SCFD2: variants seen among roughly 807,000 people sequenced by gnomAD.
SCFD2 encodes sec1 family domain containing 2.
Under a neutral mutation model 58.9 loss-of-function variants are expected in SCFD2, and 54 were observed. The ratio of observed to expected loss-of-function variants is 0.92; its 90% CI spans 0.74 to 1.15. The LOEUF (loss-of-function observed/expected upper bound fraction) is 1.15, where lower values mean the gene tolerates loss of function less well. Among genes scored for constraint, SCFD2 ranks in the 50% most tolerant of loss-of-function variants. SCFD2 has a pLI of 0.00. For synonymous variants in SCFD2, 321 were observed against 335.9 expected (o/e 0.96, Z 0.49); for missense variants, 805 against 836.6 (o/e 0.96, Z 0.47).
chr4:53,348,335 T>C (rs1358962838), intron 2 of SCFD2, among the ~76,000 whole-genome samples: 1 of 152,260 alleles, frequency 6.6e-6, no homozygotes, highest in Non-Finnish European at 1.5e-5. Context: ...AGCACTTATT[T>C]GTTTTGCCTT....
chr4:53,238,425 G>T (rs1311384828), intron 4 of SCFD2, among the ~76,000 whole-genome samples: 2 of 147,086 alleles, frequency 1.4e-5, no homozygotes, highest in Non-Finnish European at 3.0e-5. Context: ...CCTCCCTCCC[G>T]GATGGGCGGC....
intron 3 of SCFD2, among the ~76,000 whole-genome samples, chr4:53,297,669 T>C (rs1347483429): frequency 1.3e-5 from 2 of 152,214 alleles, no homozygotes; most frequent in East Asian, 1.9e-4. Context: ...AGTTTAATAT[T>C]GTTATGTGTG....
At position 53,278,874 on chromosome 4, in the gene SCFD2, A is replaced by G. The variant is rs1241664349; in HGVS notation, c.1136-4873T>C. 1.1e-4 allele frequency among the ~76,000 whole-genome samples: 17 copies of G among 151,218 alleles called. No homozygotes were observed. The East Asian group carries it at 3.1e-3, about 28-fold the overall frequency. On this transcript the variant is annotated intron_variant, in intron 3 of 8. Transcript: ENST00000401642. ...GAATTTAAGTTAAAAAGTAATTCAC[A>G]CAGATGCTCTAAAAAAAAAAAAAAA...
At chr4:53,337,553 T>C (rs1177373393) in intron 2 of SCFD2, among the ~76,000 whole-genome samples, 1 of 152,146 alleles carries the variant, frequency 6.6e-6, no homozygotes, top group African/African-American at 2.4e-5. Flanking sequence ...CATTTCTACT[T>C]AAATGAAAGA....
rs73250932 is a variant in SCFD2 at position 53,092,155 on chromosome 4, T to C, written c.1561+53178A>G. 4.7e-3 allele frequency among the ~76,000 whole-genome samples: 719 copies of C among 152,306 alleles called. 5 individuals carry two copies. The highest frequency in any genetic ancestry group is 7.5e-3 in the Non-Finnish European group (508 of 68,016). ...TTTCATTCAATAAATATTTACAGAA[T>C]ACAATAGGCCAAGCCTTGTGCTAGA... On this transcript the variant is annotated intron_variant, in intron 5 of 8. Coordinates refer to ENST00000401642, the MANE Select transcript of SCFD2 (RefSeq NM_152540.4).
chr4:53,247,867 CAAAAAA>C (rs35585900), intron 4 of SCFD2, among the ~76,000 whole-genome samples: 1 of 54,530 alleles, frequency 1.8e-5, no homozygotes, highest in Non-Finnish European at 3.6e-5. Context: ...GACTCCGTCT[CAAAAAA>C]AAAAAAAAAA....
At chr4:53,229,929 A>C (rs964495599) in intron 4 of SCFD2, among the ~76,000 whole-genome samples, 39 of 152,206 alleles carry the variant, frequency 2.6e-4, no homozygotes, top group Non-Finnish European at 5.7e-4. Context: ...TTACAAGAAA[A>C]AAACAAACAA....
chr4:53,235,294 C>T (rs1729563582), intron 4 of SCFD2, among the ~76,000 whole-genome samples: 1 of 152,206 alleles, frequency 6.6e-6, no homozygotes, highest in Non-Finnish European at 1.5e-5. Flanking sequence ...GTCCTAACAG[C>T]CACAATGAGA....
chr4:53,129,483 T>C (rs1725726817), intron 5 of SCFD2, among the ~76,000 whole-genome samples: 1 of 152,242 alleles, frequency 6.6e-6, no homozygotes, highest in South Asian at 2.1e-4. Flanking sequence ...TACATTCTCC[T>C]TCTGGCTTTA....
At chr4:53,233,736 A>C (rs1250646920) in intron 4 of SCFD2, among the ~76,000 whole-genome samples, 23 of 152,190 alleles carry the variant, frequency 1.5e-4, no homozygotes, top group Admixed American at 1.5e-3. Flanking sequence ...CTCTTTCATT[A>C]TTCAAAAATA....
intron 5 of SCFD2, among the ~76,000 whole-genome samples, chr4:53,036,984 G>T (rs530090068): frequency 6.6e-6 from 1 of 152,244 alleles, no homozygotes; most frequent in East Asian, 1.9e-4. Context: ...GCAGTAAGGG[G>T]AAACTTTTGG....
In SCFD2 at chr4:53,115,067, C is replaced by A. The variant is rs145076407; in HGVS notation, c.1561+30266G>T. ...CCCAAAGAACACAGGAAAGGGAAAA[C>A]AGAAGAATGAAAATTAGAAGGGATA... On this transcript the variant is annotated intron_variant, in intron 5 of 8. Transcript: ENST00000401642. Among the ~76,000 whole-genome samples the A allele has an allele frequency of 3.5e-3, 535 of 151,956 alleles. 2 individuals carry two copies. Among genetic ancestry groups the A allele is most frequent in the Non-Finnish European group, 5.9e-3 (399 of 67,938 alleles).
intron 5 of SCFD2, among the ~76,000 whole-genome samples, chr4:52,971,645 A>C (rs1215821195): frequency 1.3e-5 from 2 of 152,218 alleles, no homozygotes; most frequent in African/African-American, 2.4e-5. Flanking sequence ...GCCAACATTC[A>C]AATTCAGGAA....
At chr4:53,350,736 G>GA (rs1244496989) in intron 2 of SCFD2, among the ~76,000 whole-genome samples, 3 of 152,120 alleles carry the variant, frequency 2.0e-5, no homozygotes, top group Non-Finnish European at 4.4e-5. Context: ...CTGAAATGGA[G>GA]TCTCATTCTG....
At position 52,961,250 on chromosome 4, in the gene SCFD2, C is replaced by A. The variant is rs567115822; in HGVS notation, c.1562-40380G>T. Among the ~76,000 whole-genome samples the A allele has an allele frequency of 3.3e-5, 5 of 152,278 alleles. No individual in the cohort carries two copies. The South Asian group carries it at 1.0e-3, about 32-fold the overall frequency. ...ATGATCTTGAGACTTTTGCTGGAAC[C>A]ATGGGAAAGGGAAGTTCTCCTTTTT... On this transcript the variant is annotated intron_variant, in intron 5 of 8. Coordinates refer to ENST00000401642, the MANE Select transcript of SCFD2 (RefSeq NM_152540.4).
At chr4:53,036,077 T>C (rs148014565) in intron 5 of SCFD2, among the ~76,000 whole-genome samples, 2,550 of 152,180 alleles carry the variant, frequency 0.017, 75 homozygotes, top group African/African-American at 0.059. Context: ...ATTATTATTA[T>C]ACTTTAAGTT....
chr4:52,948,698 G>A (rs1239970189), intron 5 of SCFD2: 2 of 354,114 alleles, frequency 5.6e-6, no homozygotes, highest in Non-Finnish European at 1.1e-5. Context: ...GCAGCCATCA[G>A]CATAAGCAAC....
chr4:53,031,152 A>C (rs1722606686), intron 5 of SCFD2, among the ~76,000 whole-genome samples: 1 of 152,040 alleles, frequency 6.6e-6, no homozygotes, highest in Non-Finnish European at 1.5e-5. Context: ...TCAGGAATGG[A>C]CCTCCAACAA....
intron 5 of SCFD2, among the ~76,000 whole-genome samples, chr4:53,097,569 T>A (rs1221923666): frequency 6.6e-6 from 1 of 152,212 alleles, no homozygotes; most frequent in Non-Finnish European, 1.5e-5. Context: ...TGATTTTGTA[T>A]CCTGAGACTT....
Sources: allele counts gnomAD v4.1 joint callset (sites outside exome capture counted in the v4.1 genomes callset), GRCh38; gene constraint gnomAD v4.1.1; transcripts MANE v1.5; gene names NCBI Gene and HGNC (gene_info 2026-07-23, HGNC 2026-07-21).